The following DOCK8 variants were observed in gnomAD, a reference collection of about 807,000 sequenced individuals.
DOCK8 encodes the protein dedicator of cytokinesis 8.
In DOCK8, 141 loss-of-function variants were observed where a neutral mutation model predicts 245.6. That is an observed-to-expected ratio of 0.57 (90% CI 0.50 to 0.66). The LOEUF is 0.66. Among genes scored for constraint, DOCK8 ranks in the 30% least tolerant of loss-of-function variants. The pLI, the probability that DOCK8 is intolerant of heterozygous loss-of-function variation, is 0.00. For missense variants in DOCK8, 2,965 were observed against 2,603.4 expected (o/e 1.14, Z -3.02); for synonymous variants, 1,168 against 970.2 (o/e 1.20, Z -3.79).
Position 386,588 on chromosome 9 carries a change from G to A in DOCK8, c.2874+162G>A, listed in dbSNP as rs577810881. Among the ~76,000 whole-genome samples, 12 of 152,188 alleles carry A rather than the reference G, an allele frequency of 7.9e-5. 1 individual carries two copies. The South Asian group carries it at 1.0e-3, about 13-fold the overall frequency. On this transcript the variant is annotated intron_variant, in intron 23 of 47. Transcript: ENST00000432829. ...ACACTTTTGCAGCCCTGTCCTTTACGCCACATTTGACCACCTAATTGCCCA... is the reference window on the plus strand; with the variant it reads ...ACACTTTTGCAGCCCTGTCCTTTACACCACATTTGACCACCTAATTGCCCA...
At chr9:241,713 A>T (rs2047377477) in intron 1 of DOCK8, among the ~76,000 whole-genome samples, 1 of 152,226 alleles carries the variant, frequency 6.6e-6, no homozygotes, top group African/African-American at 2.4e-5. Flanking sequence ...TCAATATAAT[A>T]ATCTTTTCCT....
At chr9:236,326 A>C (rs2047247853) in intron 1 of DOCK8, among the ~76,000 whole-genome samples, 1 of 152,192 alleles carries the variant, frequency 6.6e-6, no homozygotes, top group African/African-American at 2.4e-5. Flanking sequence ...ACAGAATTAC[A>C]TTTGTTTATG....
chr9:402,412 A>G (rs2055154187), intron 26 of DOCK8, among the ~76,000 whole-genome samples: 1 of 149,572 alleles, frequency 6.7e-6, no homozygotes, highest in South Asian at 2.1e-4. Context: ...TCATTTCCTC[A>G]TCTGCAAAAA....
At chr9:413,248 A>G (rs2055830192) in intron 28 of DOCK8, among the ~76,000 whole-genome samples, 1 of 152,192 alleles carries the variant, frequency 6.6e-6, no homozygotes, top group Non-Finnish European at 1.5e-5. Context: ...ACTGTATACA[A>G]AAACTAACTC....
At chr9:398,237 A>G (rs1564008243) in intron 25 of DOCK8, among the ~76,000 whole-genome samples, 1 of 152,220 alleles carries the variant, frequency 6.6e-6, no homozygotes, top group Non-Finnish European at 1.5e-5. Context: ...ATACTGAGTC[A>G]CGTAAGGCAC....
chr9:273,084 C>T (rs574696031), intron 2 of DOCK8: 3 of 985,410 alleles, frequency 3.0e-6, no homozygotes, highest in South Asian at 4.7e-5. Context: ...CGCCGTGTAA[C>T]TGTGAATCTT....
chr9:290,772 A>G (rs752080496), intron 4 of DOCK8, among the ~76,000 whole-genome samples: 2 of 152,212 alleles, frequency 1.3e-5, no homozygotes, highest in Non-Finnish European at 2.9e-5. Flanking sequence ...AAATTCTGAT[A>G]GCCTCACTCC....
At chr9:394,231 C>T (rs1038084765) in intron 24 of DOCK8, among the ~76,000 whole-genome samples, 1 of 145,096 alleles carries the variant, frequency 6.9e-6, no homozygotes, top group Non-Finnish European at 1.5e-5. Flanking sequence ...ACCCCCTTCC[C>T]AGCATTCAGA....
chr9:354,606 C>G (rs759129998), intron 14 of DOCK8, among the ~76,000 whole-genome samples: 1 of 152,144 alleles, frequency 6.6e-6, no homozygotes, highest in African/African-American at 2.4e-5. Context: ...GGATGTCAGC[C>G]TAGGCTGCCG....
At chr9:224,327 G>A (rs2046945786) in intron 1 of DOCK8, among the ~76,000 whole-genome samples, 1 of 152,054 alleles carries the variant, frequency 6.6e-6, no homozygotes, top group Non-Finnish European at 1.5e-5. Flanking sequence ...CAGTTGAGTC[G>A]ATAACATGTT....
intron 18 of DOCK8, among the ~76,000 whole-genome samples, chr9:374,740 A>G (rs1040079980): frequency 6.6e-6 from 1 of 151,550 alleles, no homozygotes; most frequent in African/African-American, 2.4e-5. Flanking sequence ...TCCTGGGATT[A>G]TAGGTGTGAG....
intron 14 of DOCK8, among the ~76,000 whole-genome samples, chr9:357,582 A>G (rs1362522368): frequency 3.4e-5 from 5 of 146,480 alleles, no homozygotes; most frequent in Admixed American, 6.6e-5. Context: ...AAACAATTTG[A>G]TACCATTTTT....
chr9:333,286 A>G (rs1490020610), intron 10 of DOCK8, among the ~76,000 whole-genome samples: 1 of 152,258 alleles, frequency 6.6e-6, no homozygotes, highest in Non-Finnish European at 1.5e-5. Context: ...GCAATTTGCA[A>G]AGATTCCCAG....
At chr9:211,811 C>T (rs1421062250), upstream of DOCK8, among the ~76,000 whole-genome samples, 3 of 152,258 alleles carry the variant, frequency 2.0e-5, no homozygotes, top group African/African-American at 7.2e-5. Context: ...GAAGCCAGAA[C>T]CCAGATTTCC....
intron 14 of DOCK8, among the ~76,000 whole-genome samples, chr9:367,081 G>A (rs1322675016): frequency 6.6e-6 from 1 of 152,184 alleles, no homozygotes; most frequent in Non-Finnish European, 1.5e-5. Context: ...GTGACATGGG[G>A]ATGATGACAA....
At chr9:330,134 G>T (rs866240946) in intron 9 of DOCK8, among the ~76,000 whole-genome samples, 1 of 152,120 alleles carries the variant, frequency 6.6e-6, no homozygotes, top group African/African-American at 2.4e-5. Context: ...TCTAGTTCAG[G>T]TGTTGCATAT....
chr9:300,605 A>G (rs1430473203), intron 4 of DOCK8, among the ~76,000 whole-genome samples: 1 of 152,194 alleles, frequency 6.6e-6, no homozygotes, highest in African/African-American at 2.4e-5. Context: ...CTAGATTAAT[A>G]AAGAAAACAA....
chr9:296,620 C>T (rs994239752), intron 4 of DOCK8, among the ~76,000 whole-genome samples: 1 of 152,218 alleles, frequency 6.6e-6, no homozygotes, highest in Non-Finnish European at 1.5e-5. Context: ...TCAAACACAT[C>T]AGTGCATATA....
At chr9:370,776 C>T (rs1474325569) in intron 16 of DOCK8, among the ~76,000 whole-genome samples, 2 of 152,158 alleles carry the variant, frequency 1.3e-5, no homozygotes, top group Non-Finnish European at 2.9e-5. Flanking sequence ...CCCTATTATT[C>T]ATGTTCCACA....
Sources: gnomAD v4.1 joint callset for allele counts (sites outside exome capture counted in the v4.1 genomes callset) on GRCh38, gnomAD v4.1.1 for gene constraint, MANE v1.5 for transcripts, NCBI Gene and HGNC (gene_info 2026-07-23, HGNC 2026-07-21) for gene names.